Variants in NOL4L observed in about 807,000 individuals in gnomAD.
The protein encoded by NOL4L is nucleolar protein 4 like.
In NOL4L, 7 loss-of-function variants were observed where a neutral mutation model predicts 64.5. The observed-to-expected ratio is 0.11, with a 90% CI of 0.06 to 0.20. NOL4L has a LOEUF of 0.20. NOL4L is among the 10% of genes least tolerant of loss of function. NOL4L has a pLI of 1.00. For synonymous variants in NOL4L, 413 were observed against 401.0 expected (o/e 1.03, Z -0.36); for missense variants, 680 against 967.1 (o/e 0.70, Z 3.94).
rs529420871 is a variant in NOL4L at position 32,580,126 on chromosome 20, T to G, written c.321+4444A>C. ...AGACCCTTCAAAGTCAGAATGGAGA[T>G]GTATGCAAGGCCCTGGCATTGGTGT... On this transcript the variant is annotated intron_variant, in intron 1 of 10. Transcript: ENST00000621426. 1.2e-4 allele frequency among the ~76,000 whole-genome samples: 18 copies of G among 152,346 alleles called. No individual in the cohort carries two copies. In the South Asian group the frequency reaches 3.7e-3, roughly 32 times the overall value.
At chr20:32,479,969 C>A (rs1278872108) in intron 4 of NOL4L, among the ~76,000 whole-genome samples, 1 of 152,222 alleles carries the variant, frequency 6.6e-6, no homozygotes, top group South Asian at 2.1e-4. Context: ...GAGGCCCTTC[C>A]TCTTCTGCAT....
intron 1 of NOL4L, among the ~76,000 whole-genome samples, chr20:32,536,608 C>CG (rs2018535643): frequency 6.7e-6 from 1 of 148,846 alleles, no homozygotes; most frequent in African/African-American, 2.4e-5. Flanking sequence ...GAGCGGCTCG[C>CG]GCGGGCTCCT....
Position 32,444,962 on chromosome 20 carries a change from AGTTCCCTGACTGAGC to A in NOL4L, c.*2619_*2633del, listed in dbSNP as rs2012266916. 1 of 150,816 alleles carries A rather than the reference AGTTCCCTGACTGAGC, an allele frequency of 6.6e-6. No homozygotes were observed. The highest frequency in any genetic ancestry group is 6.6e-5 in the Admixed American group (1 of 15,136). The allele number at this position is 150,816 out of a possible 1,614,324, so 9.3% of individuals were successfully genotyped here. A position where few individuals can be genotyped will look rare whatever the true frequency, so the allele number is the denominator to read the frequency against. ...CATCTTTTAAAACAAAAGCAAAACA[AGTTCCCTGACTGAGC>A]CAGCTAAATGGAATCCTGTTTCCAT... On this transcript the variant is annotated 3_prime_UTR_variant, in exon 11 of 11. Coordinates refer to ENST00000621426, the MANE Select transcript of NOL4L (RefSeq NM_001256798.2).
intron 1 of NOL4L, among the ~76,000 whole-genome samples, chr20:32,556,315 G>T (rs1446533979): frequency 6.6e-6 from 1 of 151,914 alleles, no homozygotes; most frequent in East Asian, 1.9e-4. Flanking sequence ...GCTCTGTCAG[G>T]CTCAGTTTTG....
At chr20:32,488,563 C>T (rs1198213175) in intron 4 of NOL4L, among the ~76,000 whole-genome samples, 1 of 152,234 alleles carries the variant, frequency 6.6e-6, no homozygotes, top group Non-Finnish European at 1.5e-5. Flanking sequence ...GCACTCATTT[C>T]ACTGCACACT....
chr20:32,576,150 G>A (rs527317865), intron 1 of NOL4L, among the ~76,000 whole-genome samples: 1 of 152,292 alleles, frequency 6.6e-6, no homozygotes, highest in African/African-American at 2.4e-5. Context: ...GTCTTGGAGG[G>A]TTCTGGACAG....
chr20:32,461,741 T>C (rs1187857642), intron 5 of NOL4L, among the ~76,000 whole-genome samples: 1 of 150,356 alleles, frequency 6.7e-6, no homozygotes, highest in Admixed American at 6.6e-5. Flanking sequence ...ACAGTAGTAT[T>C]GCAAGGAGAG....
chr20:32,533,056 T>C (rs1362100854), intron 1 of NOL4L, among the ~76,000 whole-genome samples: 1 of 152,182 alleles, frequency 6.6e-6, no homozygotes, highest in Non-Finnish European at 1.5e-5. Context: ...GATGCTGAGA[T>C]GGGAAGACCA....
intron 1 of NOL4L, among the ~76,000 whole-genome samples, chr20:32,583,801 G>C (rs1369706556): frequency 1.3e-5 from 2 of 148,932 alleles, no homozygotes; most frequent in Non-Finnish European, 3.0e-5. Flanking sequence ...GCGGTTCCCC[G>C]CCCCCTCCCC....
At chr20:32,543,178 G>A (rs761445219) in intron 1 of NOL4L, among the ~76,000 whole-genome samples, 1 of 152,202 alleles carries the variant, frequency 6.6e-6, no homozygotes, top group African/African-American at 2.4e-5. Flanking sequence ...TCAGGAACAG[G>A]GCAAGGAGTG....
At chr20:32,577,570 G>A (rs75475469) in intron 1 of NOL4L, among the ~76,000 whole-genome samples, 3,749 of 152,332 alleles carry the variant, frequency 0.025, 71 homozygotes, top group Middle Eastern at 0.068. Context: ...CTGGTGCCAG[G>A]TGCAGTGCCC....
At chr20:32,499,620 T>G (rs1422578948) in intron 4 of NOL4L, among the ~76,000 whole-genome samples, 1 of 151,024 alleles carries the variant, frequency 6.6e-6, no homozygotes, top group Non-Finnish European at 1.5e-5. Flanking sequence ...GCATCTGTAG[T>G]CCCAGCTACT....
At chr20:32,523,510 A>C (rs1300225895) in intron 2 of NOL4L, among the ~76,000 whole-genome samples, 1 of 152,202 alleles carries the variant, frequency 6.6e-6, no homozygotes, top group Non-Finnish European at 1.5e-5. Flanking sequence ...AGGCCACAGG[A>C]CCACAGAATG....
At chr20:32,456,476 T>C in intron 5 of NOL4L, 81 bp from the exon 6 acceptor site, 1 of 1,328,436 alleles carries the variant, frequency 7.5e-7, no homozygotes, top group Non-Finnish European at 9.8e-7. Flanking sequence ...CCACCCTGTG[T>C]CCTCCTCATG....
intron 1 of NOL4L, chr20:32,533,563 T>C (rs2018416100): frequency 6.6e-6 from 1 of 152,212 alleles, no homozygotes; most frequent in Non-Finnish European, 1.5e-5. Context: ...ATATTTTCAT[T>C]TCCGATGAAG....
At chr20:32,565,655 T>C (rs1050055915) in intron 1 of NOL4L, among the ~76,000 whole-genome samples, 16 of 152,196 alleles carry the variant, frequency 1.1e-4, no homozygotes, top group Admixed American at 2.0e-4. Flanking sequence ...TTACTTCTTG[T>C]TCCATCTTCC....
intron 1 of NOL4L, among the ~76,000 whole-genome samples, chr20:32,536,886 G>C (rs1264487735): frequency 2.7e-5 from 4 of 148,784 alleles, no homozygotes; most frequent in Admixed American, 6.6e-5. Flanking sequence ...GCTGCGGCGG[G>C]CCAGGGCGGC....
At chr20:32,546,108 C>T (rs1468288633) in intron 1 of NOL4L, among the ~76,000 whole-genome samples, 1 of 150,938 alleles carries the variant, frequency 6.6e-6, no homozygotes, top group Non-Finnish European at 1.5e-5. Context: ...CCACCATGCC[C>T]GGCTAATTTT....
chr20:32,552,377 A>AC (rs937898371), intron 1 of NOL4L, among the ~76,000 whole-genome samples: 8 of 148,338 alleles, frequency 5.4e-5, no homozygotes, highest in African/African-American at 2.0e-4. Flanking sequence ...TACTTGATTA[A>AC]TTTTTTTTTT....
Sources: gnomAD v4.1 joint callset for allele counts (sites outside exome capture counted in the v4.1 genomes callset) on GRCh38, gnomAD v4.1.1 for gene constraint, MANE v1.5 for transcripts, NCBI Gene and HGNC (gene_info 2026-07-23, HGNC 2026-07-21) for gene names.